PDE3A: variants seen among roughly 807,000 people sequenced by gnomAD.
The protein encoded by PDE3A is cGMP-inhibited 3',5'-cyclic phosphodiesterase 3A.
A neutral mutation model predicts 98.3 loss-of-function variants in PDE3A; 43 were observed. The observed-to-expected ratio is 0.44, with a 90% CI of 0.34 to 0.56. The LOEUF is 0.56. PDE3A is among the 20% of genes least tolerant of loss of function. The probability of loss-of-function intolerance (pLI) is 0.01; values close to 1 mark genes in which losing one functional copy is unlikely to be tolerated. For missense variants in PDE3A, 1,427 were observed against 1,440.7 expected (o/e 0.99, Z 0.15); for synonymous variants, 663 against 567.9 (o/e 1.17, Z -2.38).
In PDE3A at chr12:20,373,228, A is replaced by G. The variant is rs138001082; in HGVS notation, c.960+2984A>G. Among the ~76,000 whole-genome samples, 1,519 of 152,152 alleles carry G rather than the reference A, an allele frequency of 1.0e-2. 25 individuals are homozygous for G. Among genetic ancestry groups the G allele is most frequent in the African/African-American group, 0.035 (1,439 of 41,544 alleles). ...CGCAATACTGAGGCTGATTTTGTAG[A>G]TGAGTGTGTCAAACTACTTTTTTGG... On this transcript the variant is annotated intron_variant, in intron 1 of 15. Transcript: ENST00000359062.
At chr12:20,414,144 G>A (rs1178527504) in intron 1 of PDE3A, among the ~76,000 whole-genome samples, 4 of 152,264 alleles carry the variant, frequency 2.6e-5, no homozygotes, top group African/African-American at 9.6e-5. Flanking sequence ...AATATATAGT[G>A]TAATATTTAT....
intron 1 of PDE3A, among the ~76,000 whole-genome samples, chr12:20,508,996 C>T (rs569087323): frequency 2.6e-5 from 4 of 151,942 alleles, no homozygotes; most frequent in Non-Finnish European, 4.4e-5. Flanking sequence ...ATGTATTTTT[C>T]GTATATAGCC....
intron 3 of PDE3A, among the ~76,000 whole-genome samples, chr12:20,615,933 A>T (rs1943994292): frequency 6.6e-6 from 1 of 152,062 alleles, no homozygotes; most frequent in Non-Finnish European, 1.5e-5. Flanking sequence ...CATGTTGGCC[A>T]GGTTGGTCTC....
At chr12:20,672,597 G>A (rs1408899743) in intron 15 of PDE3A, among the ~76,000 whole-genome samples, 5 of 143,784 alleles carry the variant, frequency 3.5e-5, no homozygotes, top group South Asian at 2.3e-4. Flanking sequence ...AAGCAATGGG[G>A]AAAGGATTCC....
intron 1 of PDE3A, among the ~76,000 whole-genome samples, chr12:20,469,212 C>A (rs1398153309): frequency 6.6e-6 from 1 of 152,184 alleles, no homozygotes; most frequent in East Asian, 1.9e-4. Context: ...CTGAGCCATT[C>A]TTTAACACAG....
intron 1 of PDE3A, among the ~76,000 whole-genome samples, chr12:20,539,444 C>T (rs935231087): frequency 3.3e-5 from 5 of 151,972 alleles, no homozygotes; most frequent in Non-Finnish European, 2.9e-5. Context: ...TAAGGATGCT[C>T]GAACTGTAAT....
At chr12:20,545,922 G>A (rs1023850408) in intron 1 of PDE3A, among the ~76,000 whole-genome samples, 13 of 151,968 alleles carry the variant, frequency 8.6e-5, no homozygotes, top group African/African-American at 2.9e-4. Context: ...CCATGAAATC[G>A]TCAGTGAAAT....
chr12:20,494,279 G>A (rs563373101), intron 1 of PDE3A, among the ~76,000 whole-genome samples: 2 of 152,280 alleles, frequency 1.3e-5, no homozygotes, highest in African/African-American at 4.8e-5. Flanking sequence ...GTTTTTACAT[G>A]ACCTTTAACT....
chr12:20,495,057 C>G (rs1357688574), intron 1 of PDE3A, among the ~76,000 whole-genome samples: 1 of 152,078 alleles, frequency 6.6e-6, no homozygotes, highest in African/African-American at 2.4e-5. Context: ...TAAAATCATT[C>G]AATTTGAGAA....
intron 1 of PDE3A, among the ~76,000 whole-genome samples, chr12:20,435,781 G>A (rs1944769824): frequency 1.3e-5 from 2 of 152,184 alleles, no homozygotes; most frequent in South Asian, 4.1e-4. Flanking sequence ...CACAAAGCTA[G>A]GGGTGATTAA....
chr12:20,424,341 T>C (rs1944569936), intron 1 of PDE3A, among the ~76,000 whole-genome samples: 1 of 152,136 alleles, frequency 6.6e-6, no homozygotes, highest in Non-Finnish European at 1.5e-5. Context: ...TCAACTTTTC[T>C]TTACCTCCCC....
rs776833954 is a variant in PDE3A, at chr12:20,637,112, C to G, written c.2014C>G (p.Leu672Val). ...TTAAACATTACAGGACAAACCAATT[C>G]TTGCTCCCGAACCTCTTGTCATGGA... ...ETMMFLDKPI[L>V]APEPLVMDNL... Residue 672 changes from leucine to valine, a missense_variant, in exon 9 of 16, where the codon CTT becomes GTT. By Grantham distance (32) the Leu-to-Val change is conservative (BLOSUM62 1). Transcript: ENST00000359062. The G allele has an allele frequency of 6.2e-7, 1 of 1,606,246 alleles. No individual in the cohort carries two copies. Among genetic ancestry groups the G allele is most frequent in the East Asian group, 2.2e-5 (1 of 44,524 alleles).
At chr12:20,671,573 A>G (rs1439923248) in intron 15 of PDE3A, among the ~76,000 whole-genome samples, 1 of 151,424 alleles carries the variant, frequency 6.6e-6, no homozygotes, top group Non-Finnish European at 1.5e-5. Flanking sequence ...GTAATCCAGC[A>G]TATAAACAGA....
Position 20,552,526 on chromosome 12 carries a change from C to G in PDE3A, c.961-4134C>G, listed in dbSNP as rs1942240922. The G allele has an allele frequency of 6.2e-7, 1 of 1,612,964 alleles. No individual in the cohort carries two copies. The highest frequency in any genetic ancestry group is 1.7e-5 in the Admixed American group (1 of 59,876). On this transcript the variant is annotated intron_variant, in intron 1 of 15. Coordinates refer to ENST00000359062, the MANE Select transcript of PDE3A (RefSeq NM_000921.5). The surrounding 1 kb of genome is among the most constrained non-coding windows in gnomAD (Gnocchi z 5.1). The stretch of plus-strand genomic sequence containing the variant: ...CAGCAAGAGGGAGGAGGAGGAGCAG[C>G]AGGAGGGGGGCTTCGCGTCCCCCAG...
intron 5 of PDE3A, among the ~76,000 whole-genome samples, chr12:20,622,481 C>T (rs536171127): frequency 2.0e-5 from 3 of 152,192 alleles, no homozygotes; most frequent in African/African-American, 7.2e-5. Flanking sequence ...GTAAAATAGA[C>T]CATTAAGGTA....
In PDE3A at chr12:20,616,404, G is replaced by T. The variant is rs1193295425; in HGVS notation, c.1424+20G>T. 1.2e-6 allele frequency: 2 copies of T among 1,608,486 alleles called. No individual in the cohort carries two copies. The highest frequency in any genetic ancestry group is 2.7e-5 in the African/African-American group (2 of 74,670). On this transcript the variant is annotated intron_variant, in intron 4 of 15. Transcript: ENST00000359062. ...ATCCAGGTGGCATACGGCTCCTGCTGGTTTAATGTCTCTTAGAGAAGTTAC... is the reference window on the plus strand; with the variant it reads ...ATCCAGGTGGCATACGGCTCCTGCTTGTTTAATGTCTCTTAGAGAAGTTAC...
intron 1 of PDE3A, among the ~76,000 whole-genome samples, chr12:20,443,947 C>T (rs1028992047): frequency 2.0e-5 from 3 of 152,112 alleles, no homozygotes; most frequent in African/African-American, 4.8e-5. Context: ...CAGACTCCTT[C>T]GGTGAGCTCC....
intron 2 of PDE3A, among the ~76,000 whole-genome samples, chr12:20,581,827 TG>T (rs1943075685): frequency 6.6e-6 from 1 of 151,918 alleles, no homozygotes; most frequent in Non-Finnish European, 1.5e-5. Context: ...TTAGCCGGGA[TG>T]GTCTCGATCT....
chr12:20,630,007 T>G lies in PDE3A; in HGVS notation c.1640T>G (p.Phe547Cys). The change falls in exon 6 of 16, where the codon TTT (phenylalanine) becomes TGT (cysteine). Residue 547 changes from phenylalanine (F) to cysteine (C), a missense_variant. Around this residue, in one of 3 missense-constraint regions of PDE3A, gnomAD observed 1,012 missense variants for 886.5 expected, o/e 1.14. Transcript: ENST00000359062. The part of the protein sequence containing the change: ...SLVSKISAVQ[F>C]PESADTTAKQ... ...GTCAGCAAAATTTCTGCAGTGCAGTTTCCAGAATCTGCTGACACAACTGCC... is the reference window on the plus strand; with the variant it reads ...GTCAGCAAAATTTCTGCAGTGCAGTGTCCAGAATCTGCTGACACAACTGCC... The G allele has an allele frequency of 2.5e-6, 4 of 1,613,976 alleles. No homozygotes were observed. Among genetic ancestry groups the G allele is most frequent in the Non-Finnish European group, 3.4e-6 (4 of 1,179,882 alleles).
Sources: gnomAD v4.1 joint callset for allele counts (sites outside exome capture counted in the v4.1 genomes callset) on GRCh38, gnomAD v4.1.1 for gene constraint, gnomAD v4.1.1 regional missense constraint, Gnocchi (gnomAD v3.1) non-coding constraint, MANE v1.5 for transcripts, NCBI Gene and HGNC (gene_info 2026-07-23, HGNC 2026-07-21) for gene names.